Variants in WIPI2 observed in about 807,000 individuals in gnomAD.
WIPI2 encodes the protein WD repeat domain phosphoinositide-interacting protein 2.
In WIPI2, 28 loss-of-function variants were observed where a neutral mutation model predicts 52.3. That is an observed-to-expected ratio of 0.54 (90% confidence interval 0.40 to 0.73). The LOEUF (loss-of-function observed/expected upper bound fraction) is 0.73. Among genes scored for constraint, WIPI2 ranks in the 30% least tolerant of loss-of-function variants. The pLI, the probability that WIPI2 is intolerant of heterozygous loss-of-function variation, is 0.00. For missense variants in WIPI2, 506 were observed against 602.9 expected (o/e 0.84, Z 1.68); for synonymous variants, 268 against 245.0 (o/e 1.09, Z -0.88).
intron 3 of WIPI2, among the ~76,000 whole-genome samples, chr7:5,208,261 T>G (rs898838414): frequency 6.6e-6 from 1 of 152,204 alleles, no homozygotes; most frequent in Non-Finnish European, 1.5e-5. Flanking sequence ...TTAGGTTTGG[T>G]TGTTTATCTT....
chr7:5,206,739 C>A (rs186036979), intron 3 of WIPI2, among the ~76,000 whole-genome samples: 27 of 152,198 alleles, frequency 1.8e-4, no homozygotes. Flanking sequence ...TCCTAACACA[C>A]ACACACACAC....
rs569931408 is a variant in WIPI2, at chr7:5,210,878, C to T, written c.212-3657C>T. Among the ~76,000 whole-genome samples, 7 of 152,210 alleles carry T rather than the reference C, an allele frequency of 4.6e-5. 1 individual carries two copies. Among genetic ancestry groups the T allele is most frequent in the African/African-American group, 1.7e-4 (7 of 41,534 alleles). ...GCTTCCCTGCCTCAAGACATGCTGA[C>T]GTAATGGGGATTGTTGGTTCACTAA... On this transcript the variant is annotated intron_variant, in intron 3 of 12. Transcript: ENST00000288828.
intron 3 of WIPI2, among the ~76,000 whole-genome samples, chr7:5,208,470 A>C (rs1782399016): frequency 6.6e-6 from 1 of 150,718 alleles, no homozygotes; most frequent in South Asian, 2.1e-4. Context: ...GGCCCTGTCC[A>C]GGAAACTTTT....
chr7:5,200,490 C>G (rs1781967572), intron 3 of WIPI2, among the ~76,000 whole-genome samples: 1 of 152,150 alleles, frequency 6.6e-6, no homozygotes, highest in African/African-American at 2.4e-5. Context: ...ATCCACCTCT[C>G]CTGAGCACAC....
intron 3 of WIPI2, among the ~76,000 whole-genome samples, chr7:5,205,630 T>C (rs1183073470): frequency 1.3e-5 from 2 of 152,082 alleles, no homozygotes; most frequent in Admixed American, 6.6e-5. Context: ...TTAGCCTCCT[T>C]AGTAGCTGGG....
chr7:5,194,665 G>A (rs980444358), intron 2 of WIPI2, among the ~76,000 whole-genome samples: 2 of 152,090 alleles, frequency 1.3e-5, no homozygotes, highest in South Asian at 4.2e-4. Flanking sequence ...TGTAGAGATG[G>A]GGTTTCACTT....
intron 3 of WIPI2, 72 bp downstream of exon 3, chr7:5,199,730 T>A: frequency 7.0e-7 from 1 of 1,423,884 alleles, no homozygotes; most frequent in Non-Finnish European, 9.6e-7. Context: ...GAATGCGATC[T>A]AAAATTCAGA....
rs1022283041 is a variant in WIPI2 at position 5,232,275 on chromosome 7, T to G, written c.*1328T>G. The G allele has an allele frequency of 5.0e-6, 2 of 398,504 alleles. No homozygotes were observed. Among genetic ancestry groups the G allele is most frequent in the African/African-American group, 4.1e-5 (2 of 48,630 alleles). The allele number at this position is 398,504 out of a possible 1,614,324, so 24.7% of individuals were successfully genotyped here. A position where few individuals can be genotyped will look rare whatever the true frequency, so the allele number is the denominator to read the frequency against. On this transcript the variant is annotated 3_prime_UTR_variant, in exon 13 of 13. Coordinates refer to ENST00000288828, the MANE Select transcript of WIPI2 (RefSeq NM_015610.4). ...GAAGGCTGGGACGCCTGTTTCCAGATGGTTGTCATGGTCACGCTGGGCGAA... is the reference window on the plus strand; with the variant it reads ...GAAGGCTGGGACGCCTGTTTCCAGAGGGTTGTCATGGTCACGCTGGGCGAA...
At chr7:5,221,542 G>A (rs965080500) in intron 7 of WIPI2, among the ~76,000 whole-genome samples, 2 of 151,980 alleles carry the variant, frequency 1.3e-5, no homozygotes. Flanking sequence ...ATTTAATACC[G>A]TTATATCACT....
At chr7:5,217,840 G>T in intron 6 of WIPI2, 82 bp from the exon 7 acceptor site, 2 of 1,332,612 alleles carry the variant, frequency 1.5e-6, no homozygotes, top group Non-Finnish European at 1.1e-6. Context: ...ACAGCTAATT[G>T]GCACTTGCGG....
At chr7:5,228,578 C>T (rs1185823351) in intron 11 of WIPI2, among the ~76,000 whole-genome samples, 1 of 152,168 alleles carries the variant, frequency 6.6e-6, no homozygotes, top group African/African-American at 2.4e-5. Flanking sequence ...GTGGTGGCCT[C>T]CACAATTCAG....
At chr7:5,214,043 C>CGT in intron 3 of WIPI2, 1 of 229,938 alleles carries the variant, frequency 4.3e-6, no homozygotes, top group South Asian at 5.9e-5. Context: ...GTAATAGCGA[C>CGT]ATCTTTTTAA....
At chr7:5,196,016 C>T (rs1781730648) in intron 2 of WIPI2, among the ~76,000 whole-genome samples, 1 of 150,588 alleles carries the variant, frequency 6.6e-6, no homozygotes. Flanking sequence ...CTAGCCTGGG[C>T]AACAGAGCAA....
intron 3 of WIPI2, among the ~76,000 whole-genome samples, chr7:5,209,697 G>A (rs761603681): frequency 1.3e-5 from 2 of 152,080 alleles, no homozygotes; most frequent in South Asian, 2.1e-4. Flanking sequence ...AGAGAGGTTG[G>A]TGCTGTCGGT....
chr7:5,224,111 A>AC (rs1315626903), intron 8 of WIPI2, among the ~76,000 whole-genome samples: 2 of 152,248 alleles, frequency 1.3e-5, no homozygotes, highest in African/African-American at 2.4e-5. Context: ...GCCTCCCGGC[A>AC]CCAGCCCTTC....
At chr7:5,222,196 G>A (rs961880132) in intron 7 of WIPI2, among the ~76,000 whole-genome samples, 3 of 152,154 alleles carry the variant, frequency 2.0e-5, no homozygotes, top group South Asian at 2.1e-4. Flanking sequence ...TGATCTGCCC[G>A]CCTCGGCCTC....
intron 2 of WIPI2, among the ~76,000 whole-genome samples, chr7:5,193,540 T>C (rs1442497029): frequency 6.6e-6 from 1 of 152,222 alleles, no homozygotes; most frequent in Non-Finnish European, 1.5e-5. Context: ...GGTACTGCTC[T>C]CCTCTCTTTG....
chr7:5,195,385 C>G (rs1781698728), intron 2 of WIPI2, among the ~76,000 whole-genome samples: 1 of 152,062 alleles, frequency 6.6e-6, no homozygotes, highest in Admixed American at 6.5e-5. Flanking sequence ...ACTCGGGAGG[C>G]TGAGATGGGA....
chr7:5,216,702 G>C (rs117631992), intron 5 of WIPI2, 43 bp downstream of exon 5: 30,576 of 1,592,828 alleles, frequency 0.019, 579 homozygotes, highest in Admixed American at 0.093. Flanking sequence ...TTCTGATTTT[G>C]CCCTTGAAAG....
Sources: gnomAD v4.1 joint callset for allele counts (sites outside exome capture counted in the v4.1 genomes callset) on GRCh38, gnomAD v4.1.1 for gene constraint, MANE v1.5 for transcripts, NCBI Gene and HGNC (gene_info 2026-07-23, HGNC 2026-07-21) for gene names.